PTPRB: variants seen among roughly 807,000 people sequenced by gnomAD.
PTPRB encodes the protein protein tyrosine phosphatase receptor type B.
PTPRB carries 97 observed loss-of-function variants against 238.1 expected under a neutral mutation model. That is an observed-to-expected ratio of 0.41 (90% confidence interval 0.35 to 0.48). The LOEUF is 0.48. PTPRB is among the 20% of genes least tolerant of loss of function. The pLI is 0.30. For missense variants in PTPRB, 2,292 were observed against 2,681.9 expected (o/e 0.85, Z 3.21); for synonymous variants, 970 against 995.4 (o/e 0.97, Z 0.48).
intron 2 of PTPRB, among the ~76,000 whole-genome samples, chr12:70,625,658 T>C (rs982340312): frequency 2.6e-5 from 4 of 152,116 alleles, no homozygotes; most frequent in African/African-American, 9.7e-5. Flanking sequence ...TCTTTGGGTG[T>C]TCTTAAAAAA....
At position 70,547,937 on chromosome 12, in the gene PTPRB, AC is replaced by A. The variant is rs564932594; in HGVS notation, c.5388-3275del. The stretch of plus-strand genomic sequence containing the variant: ...GAGAGTCCATGTCTTCTCGAAGATC[AC>A]ACAGAAAGATATGAACGAAAACTGA... On this transcript the variant is annotated intron_variant, in intron 21 of 33. Coordinates refer to ENST00000334414, the MANE Select transcript of PTPRB (RefSeq NM_001109754.4). Among the ~76,000 whole-genome samples the A allele has an allele frequency of 8.8e-3, 1,338 of 152,318 alleles. 19 individuals are homozygous for A. Among genetic ancestry groups the A allele is most frequent in the African/African-American group, 0.029 (1,224 of 41,546 alleles).
chr12:70,539,459 A>G (rs1874699219), intron 26 of PTPRB, 166 bp downstream of exon 26: 2 of 619,730 alleles, frequency 3.2e-6, no homozygotes, highest in African/African-American at 3.7e-5. Flanking sequence ...ATTAGATGGT[A>G]TATTCTATTC....
At chr12:70,559,924 T>C (rs12823754) in intron 17 of PTPRB, among the ~76,000 whole-genome samples, 67,341 of 149,632 alleles carry the variant, frequency 0.45, 16,264 homozygotes, top group African/African-American at 0.62. Flanking sequence ...CAACCTCCGC[T>C]TCCCAGGTAG....
rs146770091 is a variant in PTPRB at position 70,560,052 on chromosome 12, G to A, written c.4433-428C>T. Among the ~76,000 whole-genome samples, 21 of 152,020 alleles carry A rather than the reference G, an allele frequency of 1.4e-4. No individual in the cohort carries two copies. Among genetic ancestry groups the A allele is most frequent in the African/African-American group, 4.6e-4 (19 of 41,478 alleles). Reference sequence around the variant, plus strand: ...GGGTTTCCTCTCGTTGACCAGGCTGGTCTCGAACTCCAGACCTCAAGTGAT... The same window carrying A: ...GGGTTTCCTCTCGTTGACCAGGCTGATCTCGAACTCCAGACCTCAAGTGAT... On this transcript the variant is annotated intron_variant, in intron 17 of 33. Transcript: ENST00000334414. This position sits in a 1 kb window ranked among gnomAD's most constrained non-coding sequence, Gnocchi z 4.2.
chr12:70,618,400 G>GT (rs1261480601), intron 3 of PTPRB, among the ~76,000 whole-genome samples: 1 of 152,172 alleles, frequency 6.6e-6, no homozygotes, highest in Non-Finnish European at 1.5e-5. Flanking sequence ...GTAAACCACT[G>GT]CATCAGGCCT....
intron 21 of PTPRB, among the ~76,000 whole-genome samples, chr12:70,544,979 G>T (rs1376599002): frequency 6.6e-6 from 1 of 152,176 alleles, no homozygotes; most frequent in Non-Finnish European, 1.5e-5. Context: ...TAATAAATCA[G>T]ATGAGATGTG....
rs903881887 is a variant in PTPRB, at chr12:70,560,614, G to A, written c.4432+57C>T. On this transcript the variant is annotated intron_variant, in intron 17 of 33. Transcript: ENST00000334414. The surrounding 1 kb of genome is among the most constrained non-coding windows in gnomAD (Gnocchi z 4.2). ...TTGTCATTAAAATCAGAATCAAAATGTGTCTCTGGAAGCTACTTCCCACCA... is the reference window on the plus strand; with the variant it reads ...TTGTCATTAAAATCAGAATCAAAATATGTCTCTGGAAGCTACTTCCCACCA... 1.3e-6 allele frequency: 2 copies of A among 1,591,560 alleles called. No individual in the cohort carries two copies. The highest frequency in any genetic ancestry group is 8.6e-7 in the Non-Finnish European group (1 of 1,167,174).
Position 70,516,183 on chromosome 12 carries a change from A to G in PTPRB, c.*5306T>C, listed in dbSNP as rs1228756991. 6.6e-6 allele frequency: 1 copy of G among 152,220 alleles called. No individual in the cohort carries two copies. The highest frequency in any genetic ancestry group is 2.4e-5 in the African/African-American group (1 of 41,460). The allele number at this position is 152,220 out of a possible 1,614,324, so 9.4% of individuals were successfully genotyped here. On this transcript the variant is annotated 3_prime_UTR_variant, in exon 34 of 34. Transcript: ENST00000334414. ...GTTGCTGTATTTACTTACATTATTT[A>G]TGCTTCACACAAATGAAGGAATGGC... is the stretch of plus-strand genomic sequence containing the variant.
intron 28 of PTPRB, 107 bp from the exon 29 acceptor site, chr12:70,536,266 G>T: frequency 7.7e-7 from 1 of 1,302,586 alleles, no homozygotes; most frequent in Non-Finnish European, 1.0e-6. Context: ...CCAAGTCTCT[G>T]ACTTCAGAAA....
chr12:70,618,152 T>C (rs181497879), intron 3 of PTPRB, among the ~76,000 whole-genome samples: 2 of 152,326 alleles, frequency 1.3e-5, no homozygotes, highest in Non-Finnish European at 2.9e-5. Flanking sequence ...CAGGCTGGAG[T>C]GCAGGGGCAT....
At position 70,594,730 on chromosome 12, in the gene PTPRB, G is replaced by A; in HGVS notation, c.1259-6C>T. Reference sequence around the variant, plus strand: ...ATCTTTCACTGGAGATGGCACTAGTGGGATAAAATGCATGTCCAAATGTCA... The same window carrying A: ...ATCTTTCACTGGAGATGGCACTAGTAGGATAAAATGCATGTCCAAATGTCA... On this transcript the variant is annotated splice_region_variant and splice_polypyrimidine_tract_variant and intron_variant, in intron 5 of 33. Transcript: ENST00000334414. 1 of 1,613,600 alleles carries A rather than the reference G, an allele frequency of 6.2e-7. No homozygotes were observed. Among genetic ancestry groups the A allele is most frequent in the Non-Finnish European group, 8.5e-7 (1 of 1,179,608 alleles).
chr12:70,538,862 T>G, intron 27 of PTPRB, 62 bp downstream of exon 27: 1 of 1,333,248 alleles, frequency 7.5e-7, no homozygotes. Context: ...ATTTCATTTT[T>G]GGAGAAAAAT....
Position 70,584,809 on chromosome 12 carries a change from C to A in PTPRB, c.2311+2198G>T, listed in dbSNP as rs201289776. Among the ~76,000 whole-genome samples the A allele has an allele frequency of 6.6e-5, 10 of 151,538 alleles. No homozygotes were observed. The South Asian group carries it at 1.7e-3, about 25-fold the overall frequency. On this transcript the variant is annotated intron_variant, in intron 9 of 33. Transcript: ENST00000334414. Reference sequence around the variant, plus strand: ...AATCCCAGATAAAACATCTCAGATGCAGGGGGAAAAAATGAGAAAAAAGGT... The same window carrying A: ...AATCCCAGATAAAACATCTCAGATGAAGGGGGAAAAAATGAGAAAAAAGGT...
rs988615272 is a variant in PTPRB at position 70,596,255 on chromosome 12, G to T, written c.1052C>A (p.Thr351Asn). 4.4e-5 allele frequency: 71 copies of T among 1,612,476 alleles called. No homozygotes were observed. The highest frequency in any genetic ancestry group is 5.7e-5 in the Non-Finnish European group (67 of 1,179,628). ...TTSTSLHVWW[T>N]PSSGKVTSYE... ...TGAGGTGACTTTTCCGGAAGAAGGA[G>T]TCCACCAAACATGCAAGCTGGTTGA... Residue 351 changes from threonine (T) to asparagine (N), a missense_variant, in exon 5 of 34, where the codon ACT becomes AAT. Coordinates refer to ENST00000334414, the MANE Select transcript of PTPRB (RefSeq NM_001109754.4).
rs749587908 is a variant in PTPRB at position 70,596,039 on chromosome 12, CA to C, written c.1258+9del. ...ATTAACTACTCAGCTATAAAATAAA[CA>C]GGTCTTACCTGTTGATCCATTGGTA... On this transcript the variant is annotated intron_variant, in intron 5 of 33. Coordinates refer to ENST00000334414, the MANE Select transcript of PTPRB (RefSeq NM_001109754.4). The C allele has an allele frequency of 1.5e-5, 23 of 1,553,074 alleles. No individual in the cohort carries two copies. The South Asian group carries it at 2.8e-4, about 19-fold the overall frequency.
intron 15 of PTPRB, among the ~76,000 whole-genome samples, chr12:70,563,472 G>C (rs1878780809): frequency 6.6e-6 from 1 of 152,122 alleles, no homozygotes; most frequent in Non-Finnish European, 1.5e-5. Flanking sequence ...CTCTTTCTCA[G>C]GCTCTCTTTG....
chr12:70,624,441 C>T (rs1885084310), intron 2 of PTPRB, among the ~76,000 whole-genome samples: 2 of 152,056 alleles, frequency 1.3e-5, no homozygotes, highest in South Asian at 4.1e-4. Context: ...CCCAGGTTAG[C>T]CACTCCGGAC....
chr12:70,569,589 T>G, intron 14 of PTPRB, 86 bp downstream of exon 14: 1 of 1,502,868 alleles, frequency 6.7e-7, no homozygotes, highest in East Asian at 2.3e-5. Flanking sequence ...AATCTGGATT[T>G]GTGAATAGCT....
At chr12:70,557,954 T>C (rs371088822) in intron 18 of PTPRB, among the ~76,000 whole-genome samples, 21 of 152,300 alleles carry the variant, frequency 1.4e-4, no homozygotes, top group South Asian at 8.3e-4. Flanking sequence ...CCACAGACAA[T>C]GCGCCCTTCT....
Sources: gnomAD v4.1 joint callset for allele counts (sites outside exome capture counted in the v4.1 genomes callset) on GRCh38, gnomAD v4.1.1 for gene constraint, Gnocchi (gnomAD v3.1) non-coding constraint, MANE v1.5 for transcripts, NCBI Gene and HGNC (gene_info 2026-07-23, HGNC 2026-07-21) for gene names.